Variants in PLBD2 observed in about 807,000 individuals in gnomAD.
The protein encoded by PLBD2 is phospholipase B domain containing 2.
PLBD2 carries 51 observed loss-of-function variants against 68.3 expected under a neutral mutation model. That is an observed-to-expected ratio of 0.75 (90% CI 0.60 to 0.94). The LOEUF (loss-of-function observed/expected upper bound fraction) is 0.94. PLBD2 is among the 40% of genes least tolerant of loss of function. The probability of loss-of-function intolerance (pLI) is 0.00; values close to 1 mark genes in which losing one functional copy is unlikely to be tolerated. For missense variants in PLBD2, 729 were observed against 792.2 expected (o/e 0.92, Z 0.96); for synonymous variants, 314 against 339.3 (o/e 0.93, Z 0.82).
At chr12:113,385,314 C>G in intron 9 of PLBD2, 31 bp downstream of exon 9, 2 of 1,596,300 alleles carry the variant, frequency 1.3e-6, no homozygotes, top group Non-Finnish European at 1.7e-6. Flanking sequence ...CTCCCCGTCA[C>G]CCTCCAGGGC....
chr12:113,369,813 G>A (rs1957373560), intron 2 of PLBD2, among the ~76,000 whole-genome samples: 1 of 152,022 alleles, frequency 6.6e-6, no homozygotes, highest in South Asian at 2.1e-4. Context: ...ATGGGTATGG[G>A]GTTTCTTTCT....
At chr12:113,375,549 C>T (rs1056585111) in intron 5 of PLBD2, among the ~76,000 whole-genome samples, 6 of 152,194 alleles carry the variant, frequency 3.9e-5, no homozygotes, top group Non-Finnish European at 4.4e-5. Context: ...CTTAAATAAC[C>T]GCTATTTATT....
At chr12:113,378,233 A>G (rs1055939944) in intron 5 of PLBD2, among the ~76,000 whole-genome samples, 1 of 152,032 alleles carries the variant, frequency 6.6e-6, no homozygotes, top group South Asian at 2.1e-4. Context: ...CAGAGGTTGC[A>G]GTGAGCCAAG....
chr12:113,379,699 C>T (rs1211750282), intron 5 of PLBD2, among the ~76,000 whole-genome samples: 1 of 150,990 alleles, frequency 6.6e-6, no homozygotes, highest in East Asian at 2.0e-4. Context: ...GTAATCCCAG[C>T]TACTCGGGAG....
rs1173123028 is a variant in PLBD2 at position 113,390,806 on chromosome 12, C to T, written c.*2180C>T. The T allele has an allele frequency of 6.6e-6, 1 of 152,134 alleles. No homozygotes were observed. Among genetic ancestry groups the T allele is most frequent in the Non-Finnish European group, 1.5e-5 (1 of 68,006 alleles). 9.4% of individuals were successfully genotyped at this position (152,134 alleles called of 1,614,324 possible). A position where few individuals can be genotyped will look rare whatever the true frequency, so the allele number is the denominator to read the frequency against. ...TGTTCATTTCCATCCATCTACCCAT[C>T]TACCCATTCACTCATCCGTCCACCT... On this transcript the variant is annotated 3_prime_UTR_variant, in exon 12 of 12. Transcript: ENST00000280800.
In PLBD2 at chr12:113,369,172, A is replaced by C; in HGVS notation, c.347A>C (p.Tyr116Ser). 6.2e-7 allele frequency: 1 copy of C among 1,607,790 alleles called. No individual in the cohort carries two copies. The highest frequency in any genetic ancestry group is 8.5e-7 in the Non-Finnish European group (1 of 1,177,292). The change falls in exon 2 of 12, where the codon TAT (tyrosine) becomes TCT (serine). Residue 116 changes from tyrosine to serine, a missense_variant. Transcript: ENST00000280800. ...CAATACAATGACAGCTTGCAGGCCT[A>C]TGCAGCCGGTGTGGTGGAGGCTGCT... ...SGQYNDSLQA[Y>S]AAGVVEAAVS...
chr12:113,370,324 CA>C (rs1410166915), intron 2 of PLBD2, among the ~76,000 whole-genome samples: 2 of 151,984 alleles, frequency 1.3e-5, no homozygotes, highest in Non-Finnish European at 2.9e-5. Context: ...ATAGAGGAGG[CA>C]GGGGCTTAGG....
In PLBD2 at chr12:113,369,169, C is replaced by G. The variant is rs1346929485; in HGVS notation, c.344C>G (p.Ala115Gly). ...GGCCAATACAATGACAGCTTGCAGG[C>G]CTATGCAGCCGGTGTGGTGGAGGCT... ...TSGQYNDSLQ[A>G]YAAGVVEAAV... Residue 115 changes from alanine to glycine, a missense_variant, in exon 2 of 12, where the codon GCC (alanine) becomes GGC (glycine). Transcript: ENST00000280800. 5 of 1,607,480 alleles carry G rather than the reference C, an allele frequency of 3.1e-6. No homozygotes were observed.
Position 113,391,022 on chromosome 12 carries a change from A to G in PLBD2, c.*2396A>G, listed in dbSNP as rs1391852113. On this transcript the variant is annotated 3_prime_UTR_variant, in exon 12 of 12. Coordinates refer to ENST00000280800, the MANE Select transcript of PLBD2 (RefSeq NM_173542.4). ...TTTTCTATCCATCAGCCATCCATTC[A>G]TTCATATCCATCCATCCATCTATCC... 1.3e-5 allele frequency: 2 copies of G among 152,064 alleles called. No homozygotes were observed. Among genetic ancestry groups the G allele is most frequent in the African/African-American group, 2.4e-5 (1 of 41,376 alleles). 9.4% of individuals were successfully genotyped at this position (152,064 alleles called of 1,614,324 possible). A position where few individuals can be genotyped will look rare whatever the true frequency, so the allele number is the denominator to read the frequency against.
At chr12:113,367,856 C>T (rs145318791) in intron 1 of PLBD2, among the ~76,000 whole-genome samples, 15 of 150,228 alleles carry the variant, frequency 1.0e-4, no homozygotes, top group African/African-American at 3.2e-4. Context: ...CTGAGGTGGG[C>T]GGATCTCTTG....
chr12:113,381,809 A>C (rs1483742923), intron 6 of PLBD2, among the ~76,000 whole-genome samples: 2 of 151,518 alleles, frequency 1.3e-5, no homozygotes, highest in Non-Finnish European at 2.9e-5. Context: ...ATAGTGTTTT[A>C]ACTTTTATTA....
At chr12:113,376,163 ATT>A (rs34142556) in intron 5 of PLBD2, among the ~76,000 whole-genome samples, 21 of 115,220 alleles carry the variant, frequency 1.8e-4, no homozygotes, top group South Asian at 8.1e-4. Context: ...TTGACACAGC[ATT>A]TTTTTTTTTT....
At chr12:113,382,880 T>G (rs1206362747) in intron 6 of PLBD2, among the ~76,000 whole-genome samples, 2 of 144,740 alleles carry the variant, frequency 1.4e-5, no homozygotes, top group African/African-American at 5.1e-5. Context: ...TTTTTTTTTT[T>G]TTTTTTTTTT....
intron 2 of PLBD2, 89 bp downstream of exon 2, chr12:113,369,298 T>C: frequency 9.8e-7 from 1 of 1,019,252 alleles, no homozygotes; most frequent in Non-Finnish European, 1.4e-6. Context: ...GTGTGCAGAG[T>C]AGGCCCCCAA....
In PLBD2 at chr12:113,369,099, C is replaced by A; in HGVS notation, c.291-17C>A. 1 of 1,566,190 alleles carries A rather than the reference C, an allele frequency of 6.4e-7. No individual in the cohort carries two copies. The highest frequency in any genetic ancestry group is 8.7e-7 in the Non-Finnish European group (1 of 1,152,648). On this transcript the variant is annotated splice_polypyrimidine_tract_variant and intron_variant, in intron 1 of 11. Transcript: ENST00000280800. The stretch of plus-strand genomic sequence containing the variant: ...GGGCCTCTGCTGCTGACTGAGTGTC[C>A]CCTCCTTCCCCTCCAGGTGGGCCTT...
intron 9 of PLBD2, among the ~76,000 whole-genome samples, chr12:113,386,336 G>A (rs1177638497): frequency 3.4e-5 from 5 of 146,638 alleles, no homozygotes; most frequent in African/African-American, 5.1e-5. Flanking sequence ...TTACAGGCAC[G>A]TGCCACCACG....
intron 3 of PLBD2, among the ~76,000 whole-genome samples, chr12:113,373,203 G>C (rs1181167727): frequency 6.6e-6 from 1 of 152,226 alleles, no homozygotes; most frequent in East Asian, 1.9e-4. Context: ...AGAAAGTCTG[G>C]ACACAGTGAA....
In PLBD2 at chr12:113,372,934, C is replaced by G; in HGVS notation, c.543+127C>G. 1 of 1,107,182 alleles carries G rather than the reference C, an allele frequency of 9.0e-7. No individual in the cohort carries two copies. The highest frequency in any genetic ancestry group is 2.5e-5 in the Admixed American group (1 of 40,228). The allele number at this position is 1,107,182 out of a possible 1,614,324, so 68.6% of individuals were successfully genotyped here. A position where few individuals can be genotyped will look rare whatever the true frequency, so the allele number is the denominator to read the frequency against. ...CCGCCTCTGTTTCCATCATCATCTC[C>G]ATCCCTCCTAGCCGACCTGCCACTC... On this transcript the variant is annotated intron_variant, in intron 3 of 11. Coordinates refer to ENST00000280800, the MANE Select transcript of PLBD2 (RefSeq NM_173542.4). The surrounding 1 kb of genome is among the most constrained non-coding windows in gnomAD (Gnocchi z 4.2).
chr12:113,365,184 A>G (rs547923968), intron 1 of PLBD2, among the ~76,000 whole-genome samples: 10 of 152,302 alleles, frequency 6.6e-5, no homozygotes, highest in Admixed American at 5.9e-4. Flanking sequence ...TTCACTCAAG[A>G]ATGTTAGTCT....
Sources: gnomAD v4.1 joint callset for allele counts (sites outside exome capture counted in the v4.1 genomes callset) on GRCh38, gnomAD v4.1.1 for gene constraint, Gnocchi (gnomAD v3.1) non-coding constraint, MANE v1.5 for transcripts, NCBI Gene and HGNC (gene_info 2026-07-23, HGNC 2026-07-21) for gene names.